DMD: variants seen among roughly 807,000 people sequenced by gnomAD.
The protein encoded by DMD is dystrophin.
A neutral mutation model predicts 330.1 loss-of-function variants in DMD; 63 were observed. The ratio of observed to expected loss-of-function variants is 0.19; its 90% CI spans 0.16 to 0.24. The LOEUF is 0.24. DMD is among the 10% of genes least tolerant of loss of function. The pLI is 1.00. For missense variants in DMD, 3,344 were observed against 2,684.1 expected, an observed-to-expected ratio of 1.25 and a Z score of -5.43; for synonymous variants, 1,223 against 959.8, an observed-to-expected ratio of 1.27 and a Z score of -5.07.
intron 2 of DMD, among the ~76,000 whole-genome samples, chrX:32,965,104 T>C: frequency 9.0e-6 from 1 of 110,918 alleles, no homozygotes; most frequent in East Asian, 2.9e-4. Context: ...AGGAGGAGGA[T>C]GTAGGGTGTG....
intron 39 of DMD, among the ~76,000 whole-genome samples, chrX:32,343,643 AAACCTAGTG>A (rs1390338307): frequency 1.8e-5 from 2 of 111,481 alleles, no homozygotes; most frequent in South Asian, 3.7e-4. Flanking sequence ...ACAAACTCAC[AAACCTAGTG>A]AGTTTGTATC....
chrX:31,940,399 G>A (rs1403915799), intron 45 of DMD, among the ~76,000 whole-genome samples: 1 of 111,643 alleles, frequency 9.0e-6, no homozygotes, highest in Non-Finnish European at 1.9e-5. Flanking sequence ...CGAGCCAATG[G>A]AGTGTGAGCA....
At chrX:32,030,837 T>C (rs1470633616) in intron 44 of DMD, among the ~76,000 whole-genome samples, 1 of 111,750 alleles carries the variant, frequency 8.9e-6, no homozygotes, top group African/African-American at 3.2e-5. Context: ...GTCTTCAAGA[T>C]AGGTATGATT....
chrX:33,140,943 T>C (rs2047764864), intron 1 of DMD, among the ~76,000 whole-genome samples: 1 of 112,234 alleles, frequency 8.9e-6, no homozygotes, highest in East Asian at 2.8e-4. Context: ...TATATACGTG[T>C]GTGTATATAT....
chrX:32,259,677 G>A (rs984651031), intron 43 of DMD, among the ~76,000 whole-genome samples: 3 of 111,263 alleles, frequency 2.7e-5, no homozygotes, highest in African/African-American at 9.8e-5. Context: ...AGTTCGTTGC[G>A]ATGAATACAG....
rs752345659 is a variant in DMD at position 31,131,819 on chromosome X, T to G, written c.11014+2283A>C. Among the ~76,000 whole-genome samples the G allele has an allele frequency of 1.3e-4, 15 of 111,834 alleles. 1 individual carries two copies. In the Admixed American group the frequency reaches 1.4e-3, roughly 11 times the overall value. On this transcript the variant is annotated intron_variant, in intron 77 of 78. Coordinates refer to ENST00000357033, the MANE Select transcript of DMD (RefSeq NM_004006.3). Reference sequence around the variant, plus strand: ...TTGAGTGCATCAATAATTAGCCTAATTTTTACAATAATGAAACTTTTTATC... The same window carrying G: ...TTGAGTGCATCAATAATTAGCCTAAGTTTTACAATAATGAAACTTTTTATC...
intron 39 of DMD, among the ~76,000 whole-genome samples, chrX:32,344,642 C>T (rs1030034437): frequency 9.0e-6 from 1 of 111,162 alleles, no homozygotes; most frequent in African/African-American, 3.3e-5. Context: ...GGAGAAAGGG[C>T]TTGGTGGTCA....
intron 7 of DMD, among the ~76,000 whole-genome samples, chrX:32,735,340 C>T (rs767398592): frequency 1.2e-4 from 13 of 110,285 alleles, no homozygotes; most frequent in Non-Finnish European, 2.3e-4. Context: ...GCCATACTGC[C>T]CAAGGTAATT....
intron 74 of DMD, among the ~76,000 whole-genome samples, chrX:31,166,441 A>C (rs927745906): frequency 3.5e-4 from 39 of 111,751 alleles, no homozygotes; most frequent in African/African-American, 1.2e-3. Flanking sequence ...TTAACAGATC[A>C]ATAAGTACAC....
chrX:32,102,539 AAAT>A (rs2096545036), intron 44 of DMD, among the ~76,000 whole-genome samples: 1 of 111,299 alleles, frequency 9.0e-6, no homozygotes, highest in African/African-American at 3.3e-5. Flanking sequence ...TTTAGAATAA[AAAT>A]ATTATATCTA....
chrX:32,371,185 G>A (rs1320715281), intron 34 of DMD, among the ~76,000 whole-genome samples: 1 of 111,736 alleles, frequency 8.9e-6, no homozygotes, highest in Non-Finnish European at 1.9e-5. Context: ...AGCAACCAAT[G>A]TTTGTTCTTC....
intron 21 of DMD, among the ~76,000 whole-genome samples, chrX:32,478,183 T>C (rs1195151443): frequency 9.0e-6 from 1 of 111,346 alleles, no homozygotes; most frequent in African/African-American, 3.3e-5. Context: ...TGACAGCATT[T>C]AAAAACATTA....
chrX:31,517,193 C>G (rs1334384177), intron 55 of DMD, among the ~76,000 whole-genome samples: 1 of 111,566 alleles, frequency 9.0e-6, no homozygotes, highest in African/African-American at 3.3e-5. Flanking sequence ...CCGATAATAC[C>G]TACCTTTTAA....
chrX:33,199,321 G>A (rs183389233), intron 1 of DMD, among the ~76,000 whole-genome samples: 9 of 111,128 alleles, frequency 8.1e-5, no homozygotes, highest in Non-Finnish European at 1.7e-4. Flanking sequence ...ATATATTAGA[G>A]GATAAAACCC....
At position 32,558,613 on chromosome X, in the gene DMD, T is replaced by C. The variant is rs151294786; in HGVS notation, c.1992+7089A>G. ...TCCAGTGGCAAAAGTAGGAATCTTC[T>C]TCACTAAGTACTCCAGAGTTTCACA... On this transcript the variant is annotated intron_variant, in intron 16 of 78. Transcript: ENST00000357033. 1.2e-3 allele frequency among the ~76,000 whole-genome samples: 139 copies of C among 111,435 alleles called. 3 individuals are homozygous for C. In the East Asian group the frequency reaches 0.032, roughly 26 times the overall value.
intron 2 of DMD, among the ~76,000 whole-genome samples, chrX:32,897,433 A>T (rs757678419): frequency 2.7e-5 from 3 of 111,623 alleles, no homozygotes; most frequent in Non-Finnish European, 5.6e-5. Context: ...AATCTATGAC[A>T]TTAGGAGAGT....
intron 50 of DMD, among the ~76,000 whole-genome samples, chrX:31,803,527 A>G (rs901239158): frequency 9.0e-5 from 10 of 110,579 alleles, no homozygotes; most frequent in African/African-American, 2.3e-4. Flanking sequence ...CCTTGACCCC[A>G]CCCTTGTGTT....
intron 30 of DMD, among the ~76,000 whole-genome samples, chrX:32,393,662 G>A (rs1386094651): frequency 1.8e-5 from 2 of 111,005 alleles, no homozygotes; most frequent in African/African-American, 3.3e-5. Flanking sequence ...GTTTTCAAGC[G>A]TTAGAGGAAA....
At chrX:32,556,283 A>C (rs759614208) in intron 16 of DMD, among the ~76,000 whole-genome samples, 2 of 111,748 alleles carry the variant, frequency 1.8e-5, no homozygotes, top group Non-Finnish European at 3.8e-5. Context: ...CACGCCAGTC[A>C]GAATGGTTAC....
Sources: gnomAD v4.1 joint callset for allele counts (sites outside exome capture counted in the v4.1 genomes callset) on GRCh38, gnomAD v4.1.1 for gene constraint, MANE v1.5 for transcripts, NCBI Gene and HGNC (gene_info 2026-07-23, HGNC 2026-07-21) for gene names.